The following LRRC18 variants were observed in gnomAD, a reference collection of about 807,000 sequenced individuals.
LRRC18 encodes leucine rich repeat containing 18.
In LRRC18, 12 loss-of-function variants were observed where a neutral mutation model predicts 11.2. That is an observed-to-expected ratio of 1.07 (90% CI 0.69 to 1.74). The LOEUF is 1.74. Ranked by LOEUF, LRRC18 falls within the 40% of genes most tolerant of loss-of-function variation. The pLI is 0.00. For missense variants in LRRC18, 374 were observed against 330.5 expected (o/e 1.13, Z -1.02); for synonymous variants, 155 against 130.6 (o/e 1.19, Z -1.27).
chr10:48,925,757 A>T, the LRRC18 span, among the ~76,000 whole-genome samples: 1 of 151,778 alleles, frequency 6.6e-6, no homozygotes, highest in Non-Finnish European at 1.5e-5. Context: ...TCTTACAGGG[A>T]CTCCACAGTT....
At chr10:48,918,171 G>T (rs183736190), upstream of LRRC18, among the ~76,000 whole-genome samples, 407 of 152,218 alleles carry the variant, frequency 2.7e-3, 17 homozygotes, top group Admixed American at 0.026. Context: ...GGCAGGAAAA[G>T]GGAACAGAAG....
chr10:48,914,171 G>A (rs773350743), exon 1 of LRRC18: 1 of 1,606,590 alleles, frequency 6.2e-7, no homozygotes, highest in Non-Finnish European at 8.5e-7. Context: ...TTTAGTAAGG[G>A]AGTGTTAGAA....
the LRRC18 span, among the ~76,000 whole-genome samples, chr10:48,931,576 G>A: frequency 2.0e-5 from 3 of 152,196 alleles, no homozygotes; most frequent in Non-Finnish European, 2.9e-5. Flanking sequence ...TCCATCCAGA[G>A]GTGAAGAACT....
chr10:48,927,966 A>G, the LRRC18 span, among the ~76,000 whole-genome samples: 1 of 152,234 alleles, frequency 6.6e-6, no homozygotes, highest in African/African-American at 2.4e-5. Flanking sequence ...CAAAACACAC[A>G]AACCAACCTC....
the LRRC18 span, chr10:48,935,335 G>A: frequency 6.6e-6 from 1 of 152,368 alleles, no homozygotes; most frequent in East Asian, 1.9e-4. Context: ...TTTCCCGACA[G>A]CCTGGCTTGC....
intron 1 of LRRC18, chr10:48,910,887 GCTCTGTAAC>G: frequency 1.0e-6 from 1 of 984,666 alleles, no homozygotes; most frequent in Non-Finnish European, 1.2e-6. Flanking sequence ...CACCAGGTGG[GCTCTGTAAC>G]CTCGATGTTT....
chr10:48,915,398 C>G (rs936580912), upstream of LRRC18, among the ~76,000 whole-genome samples: 3 of 145,602 alleles, frequency 2.1e-5, no homozygotes, highest in African/African-American at 7.5e-5. Flanking sequence ...TAAAGGCCTC[C>G]TGTGCCTCCT....
At chr10:48,926,122 C>T in the LRRC18 span, among the ~76,000 whole-genome samples, 10 of 152,214 alleles carry the variant, frequency 6.6e-5, no homozygotes, top group African/African-American at 2.4e-4. Context: ...GCAAATGCCT[C>T]ATCCTGGGGA....
At chr10:48,914,662 A>G (rs913461622), upstream of LRRC18, among the ~76,000 whole-genome samples, 1 of 152,196 alleles carries the variant, frequency 6.6e-6, no homozygotes, top group Non-Finnish European at 1.5e-5. Context: ...TTTCCAGCCA[A>G]CATAAGCCTG....
At chr10:48,929,800 G>A in the LRRC18 span, among the ~76,000 whole-genome samples, 3 of 152,084 alleles carry the variant, frequency 2.0e-5, no homozygotes, top group African/African-American at 7.2e-5. Flanking sequence ...TTCCGGCTGG[G>A]CTGACAGCCT....
the LRRC18 span, among the ~76,000 whole-genome samples, chr10:48,935,925 T>C: frequency 2.0e-5 from 3 of 152,070 alleles, no homozygotes; most frequent in African/African-American, 7.2e-5. Flanking sequence ...AGTTTTTTTC[T>C]TACATTAAAT....
At chr10:48,913,476 A>G (rs779763416) in exon 1 of LRRC18, 1 of 1,584,550 alleles carries the variant, frequency 6.3e-7, no homozygotes, top group Non-Finnish European at 8.6e-7. Context: ...CGTCGTGGCC[A>G]TGTTCTTGAT....
chr10:48,927,982 A>G, the LRRC18 span, among the ~76,000 whole-genome samples: 1 of 152,222 alleles, frequency 6.6e-6, no homozygotes, highest in South Asian at 2.1e-4. Flanking sequence ...ACCTCAAGAG[A>G]AGCAAAAGTC....
chr10:48,924,024 C>T, the LRRC18 span, among the ~76,000 whole-genome samples: 3 of 152,238 alleles, frequency 2.0e-5, no homozygotes, highest in Non-Finnish European at 2.9e-5. Flanking sequence ...GAGCTGGCTA[C>T]AGAGAACTCC....
chr10:48,931,255 G>A, the LRRC18 span, among the ~76,000 whole-genome samples: 3 of 152,218 alleles, frequency 2.0e-5, no homozygotes, highest in African/African-American at 7.2e-5. Context: ...GCAGACACAG[G>A]AATTGGGCAG....
At chr10:48,935,311 C>G in the LRRC18 span, 1 of 152,232 alleles carries the variant, frequency 6.6e-6, no homozygotes, top group Non-Finnish European at 1.5e-5. Flanking sequence ...GAAAGGGTCT[C>G]TAAGACACTC....
chr10:48,939,200 T>TC, the LRRC18 span, among the ~76,000 whole-genome samples: 1 of 152,218 alleles, frequency 6.6e-6, no homozygotes, highest in African/African-American at 2.4e-5. Context: ...CAGGCCCCAC[T>TC]CTGCCACTGC....
At chr10:48,934,183 C>T in the LRRC18 span, among the ~76,000 whole-genome samples, 9 of 152,188 alleles carry the variant, frequency 5.9e-5, no homozygotes, top group African/African-American at 2.2e-4. Flanking sequence ...GAGTGTTGTT[C>T]CATACTTGGT....
At chr10:48,933,879 A>G in the LRRC18 span, among the ~76,000 whole-genome samples, 3 of 152,222 alleles carry the variant, frequency 2.0e-5, no homozygotes, top group Admixed American at 1.3e-4. Context: ...AAAGGGCCTG[A>G]CATCACCCTT....
Sources: allele counts gnomAD v4.1 joint callset (sites outside exome capture counted in the v4.1 genomes callset), GRCh38; gene constraint gnomAD v4.1.1; transcripts MANE v1.5; gene names NCBI Gene and HGNC (gene_info 2026-07-23, HGNC 2026-07-21).